Variants in RPS6KC1 observed in about 807,000 individuals in gnomAD.
RPS6KC1 encodes ribosomal protein S6 kinase C1.
A neutral mutation model predicts 103.8 loss-of-function variants in RPS6KC1; 54 were observed. The observed-to-expected ratio is 0.52, with a 90% CI of 0.42 to 0.65. The LOEUF is 0.65. RPS6KC1 is among the 30% of genes least tolerant of loss of function. The pLI is 0.00. For synonymous variants in RPS6KC1, 439 were observed against 438.7 expected, an observed-to-expected ratio of 1.00 and a Z score of -0.01; for missense variants, 1,151 against 1,253.8, an observed-to-expected ratio of 0.92 and a Z score of 1.24.
At chr1:213,609,842 T>C in the RPS6KC1 span, among the ~76,000 whole-genome samples, 1 of 150,726 alleles carries the variant, frequency 6.6e-6, no homozygotes, top group African/African-American at 2.4e-5. Flanking sequence ...GATCCATGTC[T>C]AGGGGTGATA....
chr1:213,478,330 A>C, the RPS6KC1 span, among the ~76,000 whole-genome samples: 1 of 152,164 alleles, frequency 6.6e-6, no homozygotes, highest in African/African-American at 2.4e-5. Context: ...ACCTTCTGCT[A>C]GTTTTTGTAT....
At chr1:213,664,443 A>G in the RPS6KC1 span, among the ~76,000 whole-genome samples, 5 of 152,168 alleles carry the variant, frequency 3.3e-5, no homozygotes, top group African/African-American at 1.2e-4. Context: ...ATGGCAGCAT[A>G]CACATGAAAG....
chr1:213,296,912 A>T, the RPS6KC1 span, among the ~76,000 whole-genome samples: 4 of 152,150 alleles, frequency 2.6e-5, no homozygotes, highest in Non-Finnish European at 5.9e-5. Context: ...CACTAGTGTG[A>T]TGAGTAAGGA....
At chr1:213,540,444 A>G in the RPS6KC1 span, among the ~76,000 whole-genome samples, 4 of 152,182 alleles carry the variant, frequency 2.6e-5, no homozygotes, top group Non-Finnish European at 5.9e-5. Context: ...CCTGGGCTCA[A>G]GTGATCTTCC....
At chr1:213,221,243 G>A (rs2093824632) in intron 8 of RPS6KC1, among the ~76,000 whole-genome samples, 1 of 151,664 alleles carries the variant, frequency 6.6e-6, no homozygotes, top group Admixed American at 6.6e-5. Context: ...TATTCCATTA[G>A]GAGTAGTATT....
At chr1:213,589,055 G>A in the RPS6KC1 span, among the ~76,000 whole-genome samples, 1 of 152,160 alleles carries the variant, frequency 6.6e-6, no homozygotes, top group East Asian at 1.9e-4. Context: ...GAAGGCCTAA[G>A]CAGGGGCTTA....
chr1:213,640,724 A>G, the RPS6KC1 span, among the ~76,000 whole-genome samples: 1 of 151,878 alleles, frequency 6.6e-6, no homozygotes, highest in Non-Finnish European at 1.5e-5. Context: ...GATTTCTAGT[A>G]TAATTTCATC....
intron 4 of RPS6KC1, among the ~76,000 whole-genome samples, chr1:213,107,332 C>A (rs538507116): frequency 6.6e-6 from 1 of 152,268 alleles, no homozygotes; most frequent in Admixed American, 6.5e-5. Context: ...GGGGCAACCA[C>A]CTTGTTCTGT....
the RPS6KC1 span, among the ~76,000 whole-genome samples, chr1:213,745,770 G>A: frequency 7.2e-5 from 11 of 152,134 alleles, no homozygotes; most frequent in African/African-American, 2.2e-4. Flanking sequence ...AGTGACTCCC[G>A]TCCTCCCGCA....
chr1:213,218,596 C>G (rs1397453998), intron 8 of RPS6KC1, among the ~76,000 whole-genome samples: 3 of 152,184 alleles, frequency 2.0e-5, no homozygotes, highest in Non-Finnish European at 2.9e-5. Context: ...AAGCTGGAGG[C>G]ATCACACTAC....
chr1:213,664,192 C>CGGG, the RPS6KC1 span, among the ~76,000 whole-genome samples: 4 of 29,850 alleles, frequency 1.3e-4, no homozygotes, highest in African/African-American at 3.7e-4. Context: ...AAGAAATGAG[C>CGGG]GGGGGGGCGG....
the RPS6KC1 span, among the ~76,000 whole-genome samples, chr1:213,523,432 T>C: frequency 6.6e-6 from 1 of 152,226 alleles, no homozygotes; most frequent in South Asian, 2.1e-4. Flanking sequence ...AGTTTCTTGA[T>C]GCAGGGTTGC....
the RPS6KC1 span, among the ~76,000 whole-genome samples, chr1:213,736,445 G>A: frequency 0.08 from 12,183 of 152,264 alleles, 607 homozygotes; most frequent in Middle Eastern, 0.19. Flanking sequence ...CTTGCCAAGA[G>A]GCCTTTTCCA....
chr1:213,241,636 A>G lies in RPS6KC1; in HGVS notation c.2160A>G (p.Ile720Met), dbSNP rs1215986001. 5.6e-6 allele frequency: 9 copies of G among 1,613,806 alleles called. No homozygotes were observed. Among genetic ancestry groups the G allele is most frequent in the Non-Finnish European group, 6.8e-6 (8 of 1,179,940 alleles). Residue 720 changes from isoleucine to methionine, a missense_variant, in exon 11 of 15, where the codon ATA becomes ATG. Ile to Met is a conservative substitution (Grantham distance 10). Coordinates refer to ENST00000366960, the MANE Select transcript of RPS6KC1 (RefSeq NM_012424.6). Reference protein sequence around the residue: ...PTKFTQTNIGIIENKLLEAPD... With the variant: ...PTKFTQTNIGMIENKLLEAPD... ...AGTTTACACAAACTAATATAGGGAT[A>G]ATAGAAAATAAACTCTTGGAAGCCC...
chr1:213,602,124 T>TTCTTTCTTTCTTTCTTTCTTTCTTTC, the RPS6KC1 span, among the ~76,000 whole-genome samples: 1 of 41,004 alleles, frequency 2.4e-5, no homozygotes, highest in African/African-American at 1.1e-4. Flanking sequence ...TTCTTTCTCT[T>TTCTTTCTTTCTTTCTTTCTTTCTTTC]TCTTTCTTTC....
chr1:213,303,578 G>A, the RPS6KC1 span, among the ~76,000 whole-genome samples: 3 of 152,140 alleles, frequency 2.0e-5, no homozygotes, highest in East Asian at 3.9e-4. Flanking sequence ...AGCACGTTCC[G>A]TACCCTGGCT....
intron 1 of RPS6KC1, among the ~76,000 whole-genome samples, chr1:213,052,432 G>A (rs550581267): frequency 6.6e-6 from 1 of 152,104 alleles, no homozygotes; most frequent in East Asian, 2.0e-4. Flanking sequence ...CTAACTCCAA[G>A]TTATATAAAA....
the RPS6KC1 span, among the ~76,000 whole-genome samples, chr1:213,505,590 G>T: frequency 0.014 from 2,146 of 152,284 alleles, 42 homozygotes; most frequent in Non-Finnish European, 0.016. Flanking sequence ...CACATCGTAA[G>T]TGCTCAACAG....
chr1:213,485,959 C>G, the RPS6KC1 span, among the ~76,000 whole-genome samples: 1 of 152,224 alleles, frequency 6.6e-6, no homozygotes, highest in East Asian at 1.9e-4. Flanking sequence ...TCTCACCCTT[C>G]TGCTTCCTCT....
Sources: gnomAD v4.1 joint callset for allele counts (sites outside exome capture counted in the v4.1 genomes callset) on GRCh38, gnomAD v4.1.1 for gene constraint, MANE v1.5 for transcripts, NCBI Gene and HGNC (gene_info 2026-07-23, HGNC 2026-07-21) for gene names.